CRTAP: variants seen among roughly 807,000 people sequenced by gnomAD.
CRTAP encodes cartilage-associated protein.
In CRTAP, 33 loss-of-function variants were observed where a neutral mutation model predicts 42.7. That is an observed-to-expected ratio of 0.77 (90% CI 0.59 to 1.03). The LOEUF (loss-of-function observed/expected upper bound fraction) is 1.03, where lower values mean the gene tolerates loss of function less well. Ranked by LOEUF, CRTAP falls within the 50% of genes least tolerant of loss-of-function variation. CRTAP has a pLI of 0.00. For synonymous variants in CRTAP, 243 were observed against 217.7 expected, an observed-to-expected ratio of 1.12 and a Z score of -1.02; for missense variants, 613 against 533.9, an observed-to-expected ratio of 1.15 and a Z score of -1.46.
chr3:33,136,089 A>T (rs139972037), intron 6 of CRTAP, among the ~76,000 whole-genome samples: 1 of 152,242 alleles, frequency 6.6e-6, no homozygotes, highest in Non-Finnish European at 1.5e-5. Flanking sequence ...GAAGACTCTA[A>T]TCTACTTTCT....
At chr3:33,123,503 C>T (rs568621284) in intron 2 of CRTAP, among the ~76,000 whole-genome samples, 16 of 152,196 alleles carry the variant, frequency 1.1e-4, no homozygotes, top group African/African-American at 3.1e-4. Flanking sequence ...CCCTGTTTGC[C>T]TTCTGCCGTG....
At chr3:33,117,149 TAG>T (rs1322340454) in intron 1 of CRTAP, among the ~76,000 whole-genome samples, 1 of 152,074 alleles carries the variant, frequency 6.6e-6, no homozygotes, top group African/African-American at 2.4e-5. Context: ...TGTTTATGGA[TAG>T]AGAGGAAAAG....
chr3:33,128,963 A>C (rs1366563405), intron 3 of CRTAP, among the ~76,000 whole-genome samples: 1 of 152,190 alleles, frequency 6.6e-6, no homozygotes, highest in East Asian at 1.9e-4. Context: ...GCTGCATGGG[A>C]ATTGTAGTCT....
intron 1 of CRTAP, among the ~76,000 whole-genome samples, chr3:33,120,058 G>A (rs565084139): frequency 6.6e-6 from 1 of 152,180 alleles, no homozygotes; most frequent in South Asian, 2.1e-4. Flanking sequence ...GAGAGCGAGG[G>A]AGTCTGTTGT....
At chr3:33,136,467 C>G (rs909337737) in intron 6 of CRTAP, among the ~76,000 whole-genome samples, 1 of 152,128 alleles carries the variant, frequency 6.6e-6, no homozygotes, top group African/African-American at 2.4e-5. Flanking sequence ...AAAGAAATAC[C>G]TGGCTGGGTG....
intron 5 of CRTAP, 71 bp from the exon 6 acceptor site, chr3:33,134,111 G>T (rs1164687034): frequency 1.9e-6 from 2 of 1,041,182 alleles, no homozygotes; most frequent in African/African-American, 1.6e-5. Context: ...CCCATATCCT[G>T]TTCCTCCCTC....
chr3:33,131,197 G>A (rs941200984), intron 4 of CRTAP, among the ~76,000 whole-genome samples: 1 of 151,696 alleles, frequency 6.6e-6, no homozygotes, highest in Non-Finnish European at 1.5e-5. Flanking sequence ...GGTGCCTTGG[G>A]AAGAGTGAGA....
In CRTAP at chr3:33,130,005, G is replaced by T; in HGVS notation, c.860G>T (p.Gly287Val). 1 of 1,613,332 alleles carries T rather than the reference G, an allele frequency of 6.2e-7. No individual in the cohort carries two copies. The highest frequency in any genetic ancestry group is 1.1e-5 in the South Asian group (1 of 91,048). The change falls in exon 4 of 7, where the codon GGC (glycine) becomes GTC (valine). Residue 287 changes from glycine to valine, a missense_variant. By Grantham distance (109) the Gly-to-Val change is moderately radical. Coordinates refer to ENST00000320954, the MANE Select transcript of CRTAP (RefSeq NM_006371.5). ...CEENLTPVIG[G>V]YPVEKFVATM... ...GAGAACCTCACCCCAGTTATAGGAG[G>T]CTATCCGGTTGAGAAATTTGTGGCT...
At chr3:33,129,367 A>C (rs1206161624) in intron 3 of CRTAP, among the ~76,000 whole-genome samples, 1 of 152,328 alleles carries the variant, frequency 6.6e-6, no homozygotes, top group East Asian at 1.9e-4. Flanking sequence ...TCCTAATTAC[A>C]AAAGAGGTGT....
At chr3:33,133,544 C>T (rs1196170283) in intron 5 of CRTAP, among the ~76,000 whole-genome samples, 2 of 152,098 alleles carry the variant, frequency 1.3e-5, no homozygotes, top group African/African-American at 4.8e-5. Context: ...AGCCACTGCG[C>T]CCAGCCTGTG....
rs115581077 is a variant in CRTAP, at chr3:33,142,949, C to T, written c.*501C>T. 183 of 169,246 alleles carry T rather than the reference C, an allele frequency of 1.1e-3. 1 individual carries two copies. Among genetic ancestry groups the T allele is most frequent in the African/African-American group, 2.9e-3 (124 of 42,114 alleles). The allele number at this position is 169,246 out of a possible 1,614,324, so 10.5% of individuals were successfully genotyped here. On this transcript the variant is annotated 3_prime_UTR_variant, in exon 7 of 7. Coordinates refer to ENST00000320954, the MANE Select transcript of CRTAP (RefSeq NM_006371.5). Reference sequence around the variant, plus strand: ...GATTACAGGCGTGAGCCACCATGCCCGGCCTCTTTCTCACCTTTACACCTG... The same window carrying T: ...GATTACAGGCGTGAGCCACCATGCCTGGCCTCTTTCTCACCTTTACACCTG...
Position 33,114,416 on chromosome 3 carries a change from G to A in CRTAP, c.339G>A (p.Leu113=). The change falls in exon 1 of 7, where the codon CTG becomes CTA. Residue 113 remains leucine, a synonymous_variant. Coordinates refer to ENST00000320954, the MANE Select transcript of CRTAP (RefSeq NM_006371.5). The stretch of plus-strand genomic sequence containing the variant: ...AGCTGCGCCTCTTCGGGGGCCTGCT[G>A]CGCCGCGCGCACTGCCTCAAGCGCT... ...YPELRLFGGL[L]RRAHCLKRCK... 6.5e-7 allele frequency: 1 copy of A among 1,550,232 alleles called. No homozygotes were observed. The highest frequency in any genetic ancestry group is 8.7e-7 in the Non-Finnish European group (1 of 1,152,264).
At chr3:33,132,158 G>A (rs148533247) in intron 4 of CRTAP, among the ~76,000 whole-genome samples, 1 of 152,080 alleles carries the variant, frequency 6.6e-6, no homozygotes, top group Non-Finnish European at 1.5e-5. Context: ...GGAGACTGTG[G>A]TCCCATCCAG....
chr3:33,129,797 G>A (rs1029261397), intron 3 of CRTAP, 142 bp from the exon 4 acceptor site: 29 of 685,572 alleles, frequency 4.2e-5, no homozygotes, highest in Admixed American at 3.0e-4. Context: ...TCAGCCTCCC[G>A]AAGTGCTGGG....
chr3:33,135,501 C>T (rs1227370887), intron 6 of CRTAP, among the ~76,000 whole-genome samples: 1 of 151,904 alleles, frequency 6.6e-6, no homozygotes, highest in Non-Finnish European at 1.5e-5. Context: ...TGGTGGAGTG[C>T]ACCCGTAGTC....
intron 2 of CRTAP, 88 bp downstream of exon 2, chr3:33,120,581 C>T: frequency 6.5e-7 from 1 of 1,545,870 alleles, no homozygotes; most frequent in Non-Finnish European, 8.7e-7. Flanking sequence ...TAGCTAAGGA[C>T]CTCTAGTGAT....
intron 1 of CRTAP, among the ~76,000 whole-genome samples, chr3:33,119,627 CAGA>C (rs1701390828): frequency 6.6e-6 from 1 of 152,092 alleles, no homozygotes; most frequent in African/African-American, 2.4e-5. Flanking sequence ...AGAATGTTAG[CAGA>C]AGGTCTGTGG....
intron 6 of CRTAP, among the ~76,000 whole-genome samples, chr3:33,138,472 T>A (rs941913553): frequency 8.5e-5 from 13 of 152,332 alleles, no homozygotes; most frequent in East Asian, 1.9e-4. Flanking sequence ...TTTTAAAAAA[T>A]TAAAATAAAT....
At chr3:33,119,260 T>A (rs1236200971) in intron 1 of CRTAP, among the ~76,000 whole-genome samples, 1 of 152,212 alleles carries the variant, frequency 6.6e-6, no homozygotes, top group East Asian at 1.9e-4. Flanking sequence ...ATACTTATTG[T>A]GTCCTGCCTT....
Sources: gnomAD v4.1 joint callset for allele counts (sites outside exome capture counted in the v4.1 genomes callset) on GRCh38, gnomAD v4.1.1 for gene constraint, MANE v1.5 for transcripts, NCBI Gene and HGNC (gene_info 2026-07-23, HGNC 2026-07-21) for gene names.